Variants in PDZD2 observed in about 807,000 individuals in gnomAD.
PDZD2 encodes PDZ domain-containing protein 2.
PDZD2 carries 90 observed loss-of-function variants against 220.7 expected under a neutral mutation model. The observed-to-expected ratio is 0.41, with a 90% CI of 0.34 to 0.49. The LOEUF is 0.49. PDZD2 is among the 20% of genes least tolerant of loss of function. The pLI is 0.28. For missense variants in PDZD2, 3,174 were observed against 3,608.5 expected (o/e 0.88, Z 3.08); for synonymous variants, 1,375 against 1,450.5 (o/e 0.95, Z 1.18).
intron 2 of PDZD2, among the ~76,000 whole-genome samples, chr5:31,953,424 A>T (rs1472280454): frequency 6.6e-6 from 1 of 152,228 alleles, no homozygotes; most frequent in African/African-American, 2.4e-5. Flanking sequence ...TATTTTTATT[A>T]TCTAGAGTGG....
At chr5:31,830,983 A>T (rs1756549757) in intron 2 of PDZD2, among the ~76,000 whole-genome samples, 1 of 152,210 alleles carries the variant, frequency 6.6e-6, no homozygotes, top group African/African-American at 2.4e-5. Context: ...GCAAGGGAGG[A>T]TGGAAGACTT....
intron 2 of PDZD2, among the ~76,000 whole-genome samples, chr5:31,856,557 G>C (rs1463271244): frequency 6.6e-6 from 1 of 152,128 alleles, no homozygotes; most frequent in Non-Finnish European, 1.5e-5. Context: ...AGGAAAGATG[G>C]TCTAAGAGCA....
chr5:31,817,780 C>T lies in PDZD2; in HGVS notation c.476+18056C>T, dbSNP rs117225540. Among the ~76,000 whole-genome samples, 133 of 152,168 alleles carry T rather than the reference C, an allele frequency of 8.7e-4. 1 individual carries two copies. In the East Asian group the frequency reaches 0.023, roughly 26 times the overall value. On this transcript the variant is annotated intron_variant, in intron 2 of 24. Coordinates refer to ENST00000438447, the MANE Select transcript of PDZD2 (RefSeq NM_178140.4). ...CCGGGTTCAAGCAACTATCCTGCCT[C>T]AGCCTCCCAGGTAGCTGGGACTACT...
At chr5:31,852,183 T>TA (rs1251746794) in intron 2 of PDZD2, among the ~76,000 whole-genome samples, 6 of 152,270 alleles carry the variant, frequency 3.9e-5, no homozygotes, top group African/African-American at 7.2e-5. Flanking sequence ...TCCCAGCACT[T>TA]ACGTGCCCCA....
chr5:31,987,619 T>C (rs575590254), intron 3 of PDZD2, among the ~76,000 whole-genome samples: 1 of 152,326 alleles, frequency 6.6e-6, no homozygotes, highest in East Asian at 1.9e-4. Flanking sequence ...TTGTGCCAAC[T>C]GCCTGCAGGA....
intron 6 of PDZD2, among the ~76,000 whole-genome samples, chr5:32,015,564 T>G (rs564362200): frequency 1.9e-4 from 29 of 152,302 alleles, no homozygotes; most frequent in African/African-American, 6.5e-4. Flanking sequence ...GCAGTGACAA[T>G]ATTTTAAATG....
Position 31,833,564 on chromosome 5 carries a change from A to G in PDZD2, c.476+33840A>G, listed in dbSNP as rs377537750. Among the ~76,000 whole-genome samples, 10 of 151,646 alleles carry G rather than the reference A, an allele frequency of 6.6e-5. No homozygotes were observed. The East Asian group carries it at 1.6e-3, about 24-fold the overall frequency. On this transcript the variant is annotated intron_variant, in intron 2 of 24. Coordinates refer to ENST00000438447, the MANE Select transcript of PDZD2 (RefSeq NM_178140.4). ...CTCCCAAAGTGCTGGGATTACAGGC[A>G]TGAGCCAGTTGCAGTGAGCCGAGAT...
At chr5:32,052,499 G>A (rs1329429468) in intron 8 of PDZD2, 112 bp from the exon 9 acceptor site, 15 of 974,914 alleles carry the variant, frequency 1.5e-5, no homozygotes, top group African/African-American at 3.2e-5. Flanking sequence ...AGAGAGAAAT[G>A]TCTAGTACTG....
chr5:31,675,429 T>C (rs986154850), intron 1 of PDZD2, among the ~76,000 whole-genome samples: 6 of 152,196 alleles, frequency 3.9e-5, no homozygotes, highest in African/African-American at 1.4e-4. Flanking sequence ...GCTGCCCAGC[T>C]CAGGGCTGCT....
intron 1 of PDZD2, chr5:31,657,208 C>G (rs1745586510): frequency 1.3e-5 from 2 of 152,210 alleles, no homozygotes; most frequent in African/African-American, 4.8e-5. Context: ...GTTGATGTAG[C>G]CTATCTGGCC....
At chr5:31,858,525 A>G (rs1398176654) in intron 2 of PDZD2, among the ~76,000 whole-genome samples, 1 of 152,218 alleles carries the variant, frequency 6.6e-6, no homozygotes, top group Non-Finnish European at 1.5e-5. Flanking sequence ...TGAAACAAAG[A>G]TGATTACAGC....
intron 2 of PDZD2, among the ~76,000 whole-genome samples, chr5:31,927,444 G>A (rs2150387329): frequency 6.6e-6 from 1 of 152,236 alleles, no homozygotes; most frequent in Admixed American, 6.5e-5. Context: ...GAGTGCAGTG[G>A]CACTATCTCG....
Position 31,995,007 on chromosome 5 carries a change from A to C in PDZD2, c.979-569A>C, listed in dbSNP as rs1044836975. On this transcript the variant is annotated intron_variant, in intron 3 of 24. Transcript: ENST00000438447. Reference sequence around the variant, plus strand: ...GGCTTTCATAAGTTATAAATGGCAGAGCTAGGTTCCAACTAGTTGAAGTCT... The same window carrying C: ...GGCTTTCATAAGTTATAAATGGCAGCGCTAGGTTCCAACTAGTTGAAGTCT... Among the ~76,000 whole-genome samples the C allele has an allele frequency of 2.0e-4, 30 of 152,172 alleles. 1 individual carries two copies. The highest frequency in any genetic ancestry group is 5.8e-4 in the African/African-American group (24 of 41,446).
At chr5:31,997,529 A>G (rs1240805795) in intron 4 of PDZD2, among the ~76,000 whole-genome samples, 2 of 152,220 alleles carry the variant, frequency 1.3e-5, no homozygotes, top group Non-Finnish European at 2.9e-5. Context: ...CCAAAATGAC[A>G]TATGTTTTGA....
chr5:31,699,750 T>A (rs1747533926), intron 1 of PDZD2, among the ~76,000 whole-genome samples: 1 of 151,490 alleles, frequency 6.6e-6, no homozygotes, highest in African/African-American at 2.4e-5. Flanking sequence ...ATTCCAGGCA[T>A]ACTACCATGC....
rs1240715725 is a variant in PDZD2 at position 31,646,338 on chromosome 5, G to A, written c.-361+6901G>A. ...CCTAGTAATGCCCCTTACCCCTGAG[G>A]AATTCCAGGGACTGAGCCACCACAA... is the stretch of plus-strand genomic sequence containing the variant. On this transcript the variant is annotated intron_variant, in intron 1 of 24. Transcript: ENST00000438447. This position sits in a 1 kb window ranked among gnomAD's most constrained non-coding sequence, Gnocchi z 4.7. 2.0e-5 allele frequency among the ~76,000 whole-genome samples: 3 copies of A among 152,008 alleles called. No individual in the cohort carries two copies. The highest frequency in any genetic ancestry group is 4.4e-5 in the Non-Finnish European group (3 of 68,022).
At chr5:31,889,014 G>C (rs556152551) in intron 2 of PDZD2, among the ~76,000 whole-genome samples, 1 of 152,146 alleles carries the variant, frequency 6.6e-6, no homozygotes, top group South Asian at 2.1e-4. Flanking sequence ...GCTCCTCCCC[G>C]AGCCCCCTCC....
chr5:31,775,702 T>C (rs1752605560), intron 1 of PDZD2, among the ~76,000 whole-genome samples: 1 of 149,668 alleles, frequency 6.7e-6, no homozygotes, highest in African/African-American at 2.5e-5. Context: ...TGTGTGTGTG[T>C]GTGTAGTCAT....
intron 1 of PDZD2, among the ~76,000 whole-genome samples, chr5:31,701,000 T>G (rs530092288): frequency 2.0e-5 from 3 of 152,356 alleles, no homozygotes; most frequent in African/African-American, 7.2e-5. Context: ...AAGGACAGGC[T>G]GCCTCTGGCT....
Sources: gnomAD v4.1 joint callset for allele counts (sites outside exome capture counted in the v4.1 genomes callset) on GRCh38, gnomAD v4.1.1 for gene constraint, Gnocchi (gnomAD v3.1) non-coding constraint, MANE v1.5 for transcripts, NCBI Gene and HGNC (gene_info 2026-07-23, HGNC 2026-07-21) for gene names.